The following TAB2 variants were observed in gnomAD, a reference collection of about 807,000 sequenced individuals.
TAB2 encodes TGF-beta-activated kinase 1 and MAP3K7-binding protein 2.
A neutral mutation model predicts 65.0 loss-of-function variants in TAB2; 3 were observed. The observed-to-expected ratio is 0.05, with a 90% CI of 0.02 to 0.12. The LOEUF is 0.12. Ranked by LOEUF, TAB2 falls within the 10% of genes least tolerant of loss-of-function variation. The pLI, the probability that TAB2 is intolerant of heterozygous loss-of-function variation, is 1.00. For synonymous variants in TAB2, 298 were observed against 285.1 expected (o/e 1.05, Z -0.46); for missense variants, 623 against 840.3 (o/e 0.74, Z 3.20).
intron 1 of TAB2, among the ~76,000 whole-genome samples, chr6:149,249,556 C>T (rs1276020860): frequency 2.0e-5 from 3 of 151,628 alleles, no homozygotes; most frequent in African/African-American, 7.3e-5. Flanking sequence ...CTGTCTCTGT[C>T]TCCCTCTCTT....
intron 1 of TAB2, among the ~76,000 whole-genome samples, chr6:149,288,468 G>A (rs1380428014): frequency 1.3e-5 from 2 of 152,134 alleles, no homozygotes; most frequent in Non-Finnish European, 2.9e-5. Flanking sequence ...CCAGCCCCCT[G>A]AGATGTGAAT....
chr6:149,258,004 C>T (rs546590643), intron 1 of TAB2, among the ~76,000 whole-genome samples: 1 of 152,294 alleles, frequency 6.6e-6, no homozygotes, highest in South Asian at 2.1e-4. Flanking sequence ...GCTCCCCATC[C>T]AGTCCACGCT....
At chr6:149,334,697 C>T (rs1185672461) in intron 1 of TAB2, among the ~76,000 whole-genome samples, 2 of 151,412 alleles carry the variant, frequency 1.3e-5, no homozygotes, top group African/African-American at 4.9e-5. Context: ...AAAAGAAAAC[C>T]TTAAGAGTAG....
At chr6:149,306,849 T>C (rs191687284) in intron 1 of TAB2, among the ~76,000 whole-genome samples, 12 of 152,330 alleles carry the variant, frequency 7.9e-5, no homozygotes, top group Non-Finnish European at 1.3e-4. Flanking sequence ...AAACTGCATG[T>C]ACAGAGATAC....
intron 3 of TAB2, among the ~76,000 whole-genome samples, chr6:149,380,662 C>CT (rs1216753370): frequency 7.9e-5 from 12 of 152,118 alleles, no homozygotes; most frequent in African/African-American, 2.9e-4. Flanking sequence ...TGAACTGAGC[C>CT]TTTTAGAGTA....
chr6:149,255,924 T>C (rs1185728912), intron 1 of TAB2, among the ~76,000 whole-genome samples: 2 of 152,206 alleles, frequency 1.3e-5, no homozygotes, highest in East Asian at 3.8e-4. Flanking sequence ...CTCAGTATAC[T>C]TCCAAGAGGG....
intron 1 of TAB2, among the ~76,000 whole-genome samples, chr6:149,334,829 T>G (rs1438039797): frequency 1.3e-5 from 2 of 152,142 alleles, no homozygotes; most frequent in Admixed American, 6.5e-5. Flanking sequence ...ACTTTGCCAT[T>G]GATTATATGT....
At chr6:149,367,907 A>G (rs1199394724) in intron 1 of TAB2, among the ~76,000 whole-genome samples, 1 of 152,162 alleles carries the variant, frequency 6.6e-6, no homozygotes, top group African/African-American at 2.4e-5. Context: ...TGAGCTTGAA[A>G]TAAGTTGATA....
intron 1 of TAB2, among the ~76,000 whole-genome samples, chr6:149,302,936 T>C (rs1046457142): frequency 4.7e-4 from 71 of 152,384 alleles, no homozygotes; most frequent in African/African-American, 1.5e-3. Flanking sequence ...CCATTGCTCC[T>C]ATTACCTCCT....
intron 1 of TAB2, among the ~76,000 whole-genome samples, chr6:149,251,597 C>T (rs80156528): frequency 0.066 from 10,064 of 152,182 alleles, 478 homozygotes; most frequent in African/African-American, 0.13. Context: ...CTGTCAATTT[C>T]GGAAGTCTTT....
At chr6:149,402,906 A>G (rs564958739) in intron 6 of TAB2, among the ~76,000 whole-genome samples, 2 of 152,182 alleles carry the variant, frequency 1.3e-5, no homozygotes, top group South Asian at 4.1e-4. Context: ...ATAGATGCTA[A>G]AAAGCATTTG....
chr6:149,349,435 AAAGGT>A (rs1317867928), intron 1 of TAB2, among the ~76,000 whole-genome samples: 2 of 151,898 alleles, frequency 1.3e-5, no homozygotes, highest in Non-Finnish European at 2.9e-5. Context: ...AAAAAAAAAA[AAAGGT>A]AGTCAAGAAA....
At chr6:149,394,658 T>G (rs184306976) in intron 3 of TAB2, among the ~76,000 whole-genome samples, 1 of 152,328 alleles carries the variant, frequency 6.6e-6, no homozygotes, top group Admixed American at 6.5e-5. Context: ...TGTTGTTGCC[T>G]TCAGTGCACC....
intron 1 of TAB2, among the ~76,000 whole-genome samples, chr6:149,327,859 A>C (rs976684543): frequency 5.3e-5 from 8 of 152,220 alleles, no homozygotes; most frequent in Admixed American, 2.0e-4. Flanking sequence ...ATAAAAGTGC[A>C]TTGACACGTG....
rs146395950 is a variant in TAB2 at position 149,243,114 on chromosome 6, G to A, written c.-121+24338G>A. 4.2e-3 allele frequency among the ~76,000 whole-genome samples: 642 copies of A among 152,220 alleles called. 7 individuals are homozygous for A. The highest frequency in any genetic ancestry group is 0.015 in the African/African-American group (615 of 41,520). On this transcript the variant is annotated intron_variant, in intron 1 of 1. Coordinates refer to the TAB2 transcript ENST00000606202. ...TGCTGACTCATAGTGTAAACACAGG[G>A]GTTCATTCCCTTCTCTCCGAAATCT... is the stretch of plus-strand genomic sequence containing the variant.
chr6:149,227,219 T>C (rs1255099410), intron 1 of TAB2, among the ~76,000 whole-genome samples: 3 of 152,194 alleles, frequency 2.0e-5, no homozygotes, highest in Non-Finnish European at 4.4e-5. Context: ...GTCAACAAAT[T>C]ATTAAATTAA....
intron 1 of TAB2, among the ~76,000 whole-genome samples, chr6:149,355,114 T>G (rs927669388): frequency 6.6e-6 from 1 of 152,106 alleles, no homozygotes; most frequent in African/African-American, 2.4e-5. Flanking sequence ...TTTAATAAAT[T>G]AAATCTCCCA....
At chr6:149,287,495 A>T (rs886917219) in intron 1 of TAB2, among the ~76,000 whole-genome samples, 1 of 137,712 alleles carries the variant, frequency 7.3e-6, no homozygotes, top group African/African-American at 2.8e-5. Flanking sequence ...TTTTTTTTTA[A>T]AAAGAAAGTA....
intron 1 of TAB2, among the ~76,000 whole-genome samples, chr6:149,348,614 G>GA (rs112125616): frequency 0.14 from 20,609 of 146,246 alleles, 2,013 homozygotes; most frequent in East Asian, 0.51. Context: ...GGGCTTATGG[G>GA]AAAAAAAAAA....
Sources: gnomAD v4.1 joint callset for allele counts (sites outside exome capture counted in the v4.1 genomes callset) on GRCh38, gnomAD v4.1.1 for gene constraint, MANE v1.5 for transcripts, NCBI Gene and HGNC (gene_info 2026-07-23, HGNC 2026-07-21) for gene names.